CCDC39: variants seen among roughly 807,000 people sequenced by gnomAD.
CCDC39 encodes the protein coiled-coil domain-containing protein 39.
A neutral mutation model predicts 121.0 loss-of-function variants in CCDC39; 113 were observed. The ratio of observed to expected loss-of-function variants is 0.93; its 90% CI spans 0.80 to 1.09. The LOEUF is 1.09. Ranked by LOEUF, CCDC39 falls within the 50% of genes least tolerant of loss-of-function variation. The pLI is 0.00. For synonymous variants in CCDC39, 349 were observed against 352.2 expected, an observed-to-expected ratio of 0.99 and a Z score of 0.10; for missense variants, 1,063 against 1,074.7, an observed-to-expected ratio of 0.99 and a Z score of 0.15.
At chr3:180,641,067 A>G (rs1180927863) in intron 13 of CCDC39, among the ~76,000 whole-genome samples, 1 of 152,066 alleles carries the variant, frequency 6.6e-6, no homozygotes, top group Non-Finnish European at 1.5e-5. Flanking sequence ...TGTATGCAAA[A>G]GATAATATGT....
At chr3:180,669,780 A>G (rs1346833676) in intron 1 of CCDC39, among the ~76,000 whole-genome samples, 1 of 152,136 alleles carries the variant, frequency 6.6e-6, no homozygotes. Flanking sequence ...ATCTACACAA[A>G]ATGCTTTTTT....
Position 180,642,049 on chromosome 3 carries a change from A to G in CCDC39, c.1818T>C (p.His606=), listed in dbSNP as rs199503571. The G allele has an allele frequency of 4.8e-4, 778 of 1,609,826 alleles. 1 individual carries two copies. The highest frequency in any genetic ancestry group is 4.7e-4 in the Non-Finnish European group (559 of 1,177,704). Residue 606 remains histidine, a synonymous_variant, in exon 13 of 20, where the codon CAT becomes CAC. Coordinates refer to ENST00000476379, the MANE Select transcript of CCDC39 (RefSeq NM_181426.2). ...MEERTEEIKV[H]KTMLASQIRY... is the part of the protein sequence containing the mutation. Reference sequence around the variant, plus strand: ...TTATTTGTGACGCAAGCATTGTTTTATGAACCTTGATTTCTTCAGTTCGCT... The same window carrying G: ...TTATTTGTGACGCAAGCATTGTTTTGTGAACCTTGATTTCTTCAGTTCGCT...
In CCDC39 at chr3:180,614,552, C is replaced by T. The variant is rs1717155961; in HGVS notation, c.*369G>A. On this transcript the variant is annotated 3_prime_UTR_variant, in exon 20 of 20. Coordinates refer to ENST00000476379, the MANE Select transcript of CCDC39 (RefSeq NM_181426.2). ...TGAGATTTTCACATTGCAATACGCT[C>T]ATAATAGTACAGTAAATCTTTAGAA... is the stretch of plus-strand genomic sequence containing the variant. The T allele has an allele frequency of 5.7e-6, 1 of 175,770 alleles. No homozygotes were observed. Among genetic ancestry groups the T allele is most frequent in the African/African-American group, 2.4e-5 (1 of 41,660 alleles). 10.9% of individuals were successfully genotyped at this position (175,770 alleles called of 1,614,324 possible).
intron 1 of CCDC39, among the ~76,000 whole-genome samples, chr3:180,669,621 A>T (rs1711977383): frequency 1.3e-5 from 2 of 152,120 alleles, no homozygotes; most frequent in African/African-American, 4.8e-5. Flanking sequence ...GTGCTTTTAC[A>T]CTTCCACTGA....
intron 12 of CCDC39, 126 bp from the exon 13 acceptor site, chr3:180,642,327 A>G (rs1296919462): frequency 1.0e-5 from 5 of 501,440 alleles, no homozygotes; most frequent in Non-Finnish European, 1.0e-5. Flanking sequence ...TGACTAAGAT[A>G]TTAGCTAGGC....
intron 11 of CCDC39, among the ~76,000 whole-genome samples, chr3:180,646,718 G>C (rs1339135025): frequency 6.6e-6 from 1 of 152,076 alleles, no homozygotes; most frequent in Non-Finnish European, 1.5e-5. Flanking sequence ...TACTCTTGAA[G>C]AGTATTTAGA....
intron 1 of CCDC39, among the ~76,000 whole-genome samples, chr3:180,677,395 G>A (rs115542465): frequency 0.013 from 1,988 of 149,532 alleles, 37 homozygotes; most frequent in African/African-American, 0.047. Context: ...ATAAATTAAG[G>A]GCATTGAATC....
At chr3:180,635,496 A>G (rs1050998896) in intron 13 of CCDC39, among the ~76,000 whole-genome samples, 1 of 152,204 alleles carries the variant, frequency 6.6e-6, no homozygotes, top group Non-Finnish European at 1.5e-5. Context: ...CCAAGATACA[A>G]TGGGGGTACA....
At chr3:180,667,228 C>G (rs983555631) in intron 1 of CCDC39, among the ~76,000 whole-genome samples, 88 of 152,058 alleles carry the variant, frequency 5.8e-4, no homozygotes, top group Non-Finnish European at 1.2e-4. Context: ...TTCAGAGATT[C>G]AAAGATTCAG....
intron 13 of CCDC39, among the ~76,000 whole-genome samples, chr3:180,640,624 ATTAAC>A (rs1315954270): frequency 6.6e-6 from 1 of 152,086 alleles, no homozygotes; most frequent in African/African-American, 2.4e-5. Flanking sequence ...TACTACAACT[ATTAAC>A]TAATAAAATT....
chr3:180,674,061 C>T (rs577447182), intron 1 of CCDC39, among the ~76,000 whole-genome samples: 1 of 152,004 alleles, frequency 6.6e-6, no homozygotes, highest in African/African-American at 2.4e-5. Context: ...CTGTAAATTA[C>T]CTTGTGCAGT....
chr3:180,648,987 G>A (rs1056244106), intron 9 of CCDC39, among the ~76,000 whole-genome samples: 1 of 152,138 alleles, frequency 6.6e-6, no homozygotes, highest in East Asian at 1.9e-4. Context: ...GTAACCTTAA[G>A]AGTACAAAAT....
At position 180,648,379 on chromosome 3, in the gene CCDC39, T is replaced by G. The variant is rs201400747; in HGVS notation, c.1168-20A>C. ...TACTTCCTGATAATGAGAATTATAG[T>G]GATTAATGGAATTAAATATATTGAA... On this transcript the variant is annotated intron_variant, in intron 9 of 19. Coordinates refer to ENST00000476379, the MANE Select transcript of CCDC39 (RefSeq NM_181426.2). The G allele has an allele frequency of 4.4e-5, 61 of 1,394,324 alleles. No homozygotes were observed. Among genetic ancestry groups the G allele is most frequent in the Non-Finnish European group, 1.9e-6 (2 of 1,032,004 alleles). 86.4% of individuals were successfully genotyped at this position (1,394,324 alleles called of 1,614,324 possible). A position where few individuals can be genotyped will look rare whatever the true frequency, so the allele number is the denominator to read the frequency against.
At chr3:180,657,557 T>A (rs935323955) in intron 6 of CCDC39, among the ~76,000 whole-genome samples, 6 of 152,122 alleles carry the variant, frequency 3.9e-5, no homozygotes, top group African/African-American at 1.4e-4. Flanking sequence ...AACATCCCAC[T>A]GCACCCCTTT....
At chr3:180,659,882 CT>C (rs937309757) in intron 4 of CCDC39, 113 bp from the exon 5 acceptor site, 5 of 592,390 alleles carry the variant, frequency 8.4e-6, no homozygotes, top group Non-Finnish European at 1.3e-5. Flanking sequence ...TATTTTATAT[CT>C]AAAACTGTGA....
At chr3:180,664,385 C>T (rs1711820030) in intron 1 of CCDC39, among the ~76,000 whole-genome samples, 1 of 152,156 alleles carries the variant, frequency 6.6e-6, no homozygotes, top group African/African-American at 2.4e-5. Flanking sequence ...GGCTTCACCT[C>T]GAAATACCAT....
intron 1 of CCDC39, among the ~76,000 whole-genome samples, chr3:180,665,557 C>A (rs1009980859): frequency 7.9e-5 from 12 of 151,622 alleles, no homozygotes; most frequent in African/African-American, 2.9e-4. Flanking sequence ...ACTTTTAATT[C>A]CCTCTCGTTT....
Position 180,616,671 on chromosome 3 carries a change from G to A in CCDC39, c.2431C>T (p.Arg811Cys), listed in dbSNP as rs574993914. ...TCATCTTTTGTGTCTTTCAAAAGAC[G>A]GATTTCCTTTGTGAGTTTTGCACAC... ...KQCAKLTKEI[R>C]LLKDTKDETM... The change falls in exon 18 of 20, where the codon CGT (arginine) becomes TGT (cysteine). Residue 811 changes from arginine to cysteine, a missense_variant. Transcript: ENST00000476379. 3.9e-5 allele frequency: 62 copies of A among 1,590,454 alleles called. No homozygotes were observed. The East Asian group carries it at 7.2e-4, about 19-fold the overall frequency.
At chr3:180,630,805 G>A (rs1717673171) in intron 14 of CCDC39, among the ~76,000 whole-genome samples, 1 of 152,064 alleles carries the variant, frequency 6.6e-6, no homozygotes, top group Non-Finnish European at 1.5e-5. Context: ...AGATTCACCT[G>A]GTCTGTCTCC....
Sources: gnomAD v4.1 joint callset for allele counts (sites outside exome capture counted in the v4.1 genomes callset) on GRCh38, gnomAD v4.1.1 for gene constraint, MANE v1.5 for transcripts, NCBI Gene and HGNC (gene_info 2026-07-23, HGNC 2026-07-21) for gene names.